The following PCNX2 variants were observed in gnomAD, a reference collection of about 807,000 sequenced individuals.
PCNX2 encodes pecanex 2, also known as pecanex-like protein 2.
In PCNX2, 168 loss-of-function variants were observed where a neutral mutation model predicts 223.8. The ratio of observed to expected loss-of-function variants is 0.75; its 90% CI spans 0.66 to 0.85. PCNX2 has a LOEUF of 0.85. Ranked by LOEUF, PCNX2 falls within the 40% of genes least tolerant of loss-of-function variation. The pLI is 0.00. For missense variants in PCNX2, 2,507 were observed against 2,675.5 expected (o/e 0.94, Z 1.39); for synonymous variants, 1,006 against 1,052.6 (o/e 0.96, Z 0.86).
At chr1:233,063,772 A>T (rs1672491832) in intron 23 of PCNX2, among the ~76,000 whole-genome samples, 1 of 152,074 alleles carries the variant, frequency 6.6e-6, no homozygotes, top group East Asian at 1.9e-4. Context: ...CTTCTAGTTG[A>T]CATCTTTCAT....
intron 21 of PCNX2, among the ~76,000 whole-genome samples, chr1:233,127,608 C>A (rs960181972): frequency 1.3e-5 from 2 of 152,062 alleles, no homozygotes; most frequent in Non-Finnish European, 2.9e-5. Context: ...TCACAAAATA[C>A]AGACTCACAG....
At chr1:233,095,979 T>G in intron 21 of PCNX2, 116 bp from the exon 22 acceptor site, 1 of 686,494 alleles carries the variant, frequency 1.5e-6, no homozygotes, top group Non-Finnish European at 2.5e-6. Context: ...AACTACTCTC[T>G]GCCCTCTTAC....
At position 233,263,071 on chromosome 1, in the gene PCNX2, G is replaced by A. The variant is rs373196909; in HGVS notation, c.246C>T (p.His82=). 185 of 1,613,476 alleles carry A rather than the reference G, an allele frequency of 1.1e-4. No homozygotes were observed. Among genetic ancestry groups the A allele is most frequent in the Non-Finnish European group, 1.5e-4 (174 of 1,179,684 alleles). Residue 82 remains histidine, a synonymous_variant, in exon 2 of 34, where the codon CAC becomes CAT. Transcript: ENST00000258229. ...TIIKLVSYRL[H]LMFDKGEVIQ... is the part of the protein sequence containing the mutation. The stretch of plus-strand genomic sequence containing the variant: ...TTACTTCTCCTTTGTCAAACATGAG[G>A]TGTAGGCGATAACTGACCAGTTTGA...
intron 12 of PCNX2, among the ~76,000 whole-genome samples, chr1:233,215,423 A>G (rs1341699850): frequency 6.6e-6 from 1 of 152,242 alleles, no homozygotes; most frequent in Non-Finnish European, 1.5e-5. Flanking sequence ...CTGTCTCACT[A>G]TATGACATGC....
chr1:233,108,862 A>G (rs1674957398), intron 21 of PCNX2, among the ~76,000 whole-genome samples: 2 of 152,192 alleles, frequency 1.3e-5, no homozygotes, highest in Admixed American at 1.3e-4. Context: ...TTTCATTAGA[A>G]AATTAATCAG....
chr1:233,239,774 A>G (rs1422185742), intron 8 of PCNX2, among the ~76,000 whole-genome samples: 1 of 152,104 alleles, frequency 6.6e-6, no homozygotes, highest in African/African-American at 2.4e-5. Flanking sequence ...GCTTTTTCTT[A>G]TATTAAATAG....
At chr1:233,311,170 A>G in the PCNX2 span, among the ~76,000 whole-genome samples, 1 of 152,360 alleles carries the variant, frequency 6.6e-6, no homozygotes, top group Non-Finnish European at 1.5e-5. Flanking sequence ...ACTAAATTGT[A>G]GGGATTTCTT....
chr1:233,163,411 A>C (rs774575828), intron 17 of PCNX2, among the ~76,000 whole-genome samples: 38 of 150,556 alleles, frequency 2.5e-4, no homozygotes, highest in Non-Finnish European at 3.9e-4. Context: ...CGCAGAACCC[A>C]GGAGGCTGAG....
At chr1:233,288,743 C>T (rs1465858432) in intron 1 of PCNX2, 3 of 603,898 alleles carry the variant, frequency 5.0e-6, no homozygotes, top group African/African-American at 1.9e-5. Flanking sequence ...GGCATTCAGC[C>T]CAAATCTGGA....
chr1:233,165,845 T>G (rs1416409803), intron 17 of PCNX2, among the ~76,000 whole-genome samples: 1 of 152,208 alleles, frequency 6.6e-6, no homozygotes, highest in Non-Finnish European at 1.5e-5. Context: ...GCAGAATTTT[T>G]TTTAGAAACG....
At chr1:233,007,245 G>A (rs1670316336) in intron 28 of PCNX2, among the ~76,000 whole-genome samples, 1 of 151,220 alleles carries the variant, frequency 6.6e-6, no homozygotes, top group South Asian at 2.1e-4. Flanking sequence ...AAGTGAAACA[G>A]AAGGAGACAC....
chr1:233,280,683 A>G (rs1238925152), intron 1 of PCNX2, among the ~76,000 whole-genome samples: 4 of 152,120 alleles, frequency 2.6e-5, no homozygotes, highest in African/African-American at 7.2e-5. Flanking sequence ...CTTATTCTCC[A>G]TTACACCCTC....
chr1:233,318,523 G>A, the PCNX2 span, among the ~76,000 whole-genome samples: 2 of 145,946 alleles, frequency 1.4e-5, no homozygotes, highest in South Asian at 4.3e-4. Context: ...ATCTCCTCAT[G>A]ATTGCATCAC....
intron 15 of PCNX2, among the ~76,000 whole-genome samples, chr1:233,196,595 C>A (rs1680748997): frequency 6.6e-6 from 1 of 152,000 alleles, no homozygotes; most frequent in Non-Finnish European, 1.5e-5. Flanking sequence ...AAATGTGAAA[C>A]ATACAGAAAG....
chr1:232,993,754 C>T (rs575199160), intron 32 of PCNX2, among the ~76,000 whole-genome samples: 5 of 152,326 alleles, frequency 3.3e-5, no homozygotes, highest in East Asian at 1.9e-4. Flanking sequence ...GGCTGGGCCA[C>T]GGACCCCACT....
intron 17 of PCNX2, among the ~76,000 whole-genome samples, chr1:233,168,260 T>C (rs1441936733): frequency 6.6e-6 from 1 of 152,116 alleles, no homozygotes; most frequent in South Asian, 2.1e-4. Flanking sequence ...GGGAAAATCA[T>C]TCACAATCAT....
intron 5 of PCNX2, among the ~76,000 whole-genome samples, chr1:233,254,328 C>T (rs190909454): frequency 1.2e-3 from 187 of 152,282 alleles, no homozygotes; most frequent in Admixed American, 1.8e-3. Flanking sequence ...AAAGTGCTAT[C>T]ATAACAAATA....
chr1:233,054,515 T>C (rs1395283722), intron 24 of PCNX2, 32 bp from the exon 25 acceptor site: 1 of 1,540,170 alleles, frequency 6.5e-7, no homozygotes, highest in Non-Finnish European at 9.0e-7. Flanking sequence ...GATCAGTGAA[T>C]GCCTACTCCT....
chr1:233,153,733 G>A (rs2102807007), intron 19 of PCNX2, among the ~76,000 whole-genome samples: 1 of 152,310 alleles, frequency 6.6e-6, no homozygotes, highest in South Asian at 2.1e-4. Flanking sequence ...ACCTTAAAGA[G>A]CAGAAAGTAT....
Sources: allele counts gnomAD v4.1 joint callset (sites outside exome capture counted in the v4.1 genomes callset), GRCh38; gene constraint gnomAD v4.1.1; transcripts MANE v1.5; gene names NCBI Gene and HGNC (gene_info 2026-07-23, HGNC 2026-07-21).